Variants in FRAS1 observed in about 807,000 individuals in gnomAD.
FRAS1 encodes Fraser extracellular matrix complex subunit 1, also known as extracellular matrix organizing protein FRAS1.
A neutral mutation model predicts 435.2 loss-of-function variants in FRAS1; 290 were observed. The observed-to-expected ratio is 0.67, with a 90% CI of 0.61 to 0.73. The LOEUF (loss-of-function observed/expected upper bound fraction) is 0.73, where lower values mean the gene tolerates loss of function less well. FRAS1 is among the 30% of genes least tolerant of loss of function. The pLI, the probability that FRAS1 is intolerant of heterozygous loss-of-function variation, is 0.00. For synonymous variants in FRAS1, 1,800 were observed against 1,851.0 expected, an observed-to-expected ratio of 0.97 and a Z score of 0.71; for missense variants, 4,860 against 5,001.5, an observed-to-expected ratio of 0.97 and a Z score of 0.85.
intron 13 of FRAS1, among the ~76,000 whole-genome samples, chr4:78,285,200 A>T (rs1273285718): frequency 6.6e-6 from 1 of 151,836 alleles, no homozygotes; most frequent in South Asian, 2.1e-4. Context: ...TATCCATTTT[A>T]AAGTGTGTAA....
At chr4:78,533,303 C>T (rs933594210) in intron 70 of FRAS1, among the ~76,000 whole-genome samples, 2 of 152,164 alleles carry the variant, frequency 1.3e-5, no homozygotes, top group Non-Finnish European at 2.9e-5. Flanking sequence ...ATGATGTCTA[C>T]TGTATAATAT....
At chr4:78,387,152 G>A (rs984344645) in intron 28 of FRAS1, among the ~76,000 whole-genome samples, 1 of 152,156 alleles carries the variant, frequency 6.6e-6, no homozygotes, top group African/African-American at 2.4e-5. Context: ...TCTTGAAGTA[G>A]CTTGATAAAC....
chr4:78,255,353 G>A lies in FRAS1; in HGVS notation c.581G>A (p.Cys194Tyr), dbSNP rs919618765. 1 of 1,592,552 alleles carries A rather than the reference G, an allele frequency of 6.3e-7. No homozygotes were observed. Among genetic ancestry groups the A allele is most frequent in the Admixed American group, 1.8e-5 (1 of 56,958 alleles). ...GTTGCCCAGTGCTTCACAGCTCAGT[G>A]TCAGCCTCTATTTTGTAACCAGGTA... ...NGVAQCFTAQ[C>Y]QPLFCNQDET... Residue 194 changes from cysteine (C) to tyrosine (Y), a missense_variant, in exon 6 of 74, where the codon TGT becomes TAT. Transcript: ENST00000512123.
At chr4:78,123,490 G>A (rs1473615828) in intron 2 of FRAS1, among the ~76,000 whole-genome samples, 1 of 152,122 alleles carries the variant, frequency 6.6e-6, no homozygotes, top group Non-Finnish European at 1.5e-5. Flanking sequence ...GAAGTTTTAA[G>A]TAGTTTTTTC....
chr4:78,486,678 TC>T (rs1720178509), intron 58 of FRAS1, among the ~76,000 whole-genome samples: 1 of 152,048 alleles, frequency 6.6e-6, no homozygotes, highest in Non-Finnish European at 1.5e-5. Context: ...ACAACATAAA[TC>T]CCCTGTGCTA....
At chr4:78,129,037 T>A (rs998823962) in intron 2 of FRAS1, among the ~76,000 whole-genome samples, 79 of 152,354 alleles carry the variant, frequency 5.2e-4, no homozygotes, top group Non-Finnish European at 1.0e-3. Context: ...CTTGTTTTTC[T>A]CAGGTTTGTC....
At chr4:78,251,312 G>A (rs539276646) in intron 4 of FRAS1, among the ~76,000 whole-genome samples, 24 of 152,294 alleles carry the variant, frequency 1.6e-4, no homozygotes, top group African/African-American at 5.5e-4. Flanking sequence ...AAAACAAGGT[G>A]TGGAAGAAGG....
intron 2 of FRAS1, among the ~76,000 whole-genome samples, chr4:78,099,878 C>T (rs956079825): frequency 6.6e-6 from 1 of 152,274 alleles, no homozygotes; most frequent in Admixed American, 6.5e-5. Context: ...TGTAGTGTAG[C>T]ATTGTAGTCA....
intron 2 of FRAS1, among the ~76,000 whole-genome samples, chr4:78,082,260 C>G (rs1243418237): frequency 6.6e-6 from 1 of 152,084 alleles, no homozygotes; most frequent in Non-Finnish European, 1.5e-5. Context: ...CTCACACTTT[C>G]ACTTTTGAGG....
At chr4:78,432,665 G>T (rs1734263270) in intron 38 of FRAS1, 61 bp downstream of exon 38, 2 of 1,491,208 alleles carry the variant, frequency 1.3e-6, no homozygotes, top group Non-Finnish European at 1.8e-6. Context: ...GGGGCAGACT[G>T]GGCAGCAATG....
At chr4:78,118,676 T>C (rs1467783872) in intron 2 of FRAS1, among the ~76,000 whole-genome samples, 3 of 151,188 alleles carry the variant, frequency 2.0e-5, no homozygotes, top group Non-Finnish European at 4.4e-5. Context: ...AAAAGCACAG[T>C]ATCAGGGTGG....
chr4:78,432,567 G>A lies in FRAS1; in HGVS notation c.5180G>A (p.Ser1727Asn). The change falls in exon 38 of 74, where the codon AGC (serine) becomes AAC (asparagine). Residue 1727 changes from serine (S) to asparagine (N), a missense_variant. Physicochemically the swap from Ser to Asn is conservative, Grantham distance 46. Coordinates refer to ENST00000512123, the MANE Select transcript of FRAS1 (RefSeq NM_025074.7). ...SSLSITVASK[S>N]TAIITRSHLA... ...CTGAGCATTACTGTTGCCAGTAAAA[G>A]CACAGCCATAATCACTAGGTCACAC... The A allele has an allele frequency of 6.2e-7, 1 of 1,609,718 alleles. No homozygotes were observed. Among genetic ancestry groups the A allele is most frequent in the South Asian group, 1.1e-5 (1 of 90,270 alleles).
chr4:78,335,209 C>T (rs1018780562), intron 19 of FRAS1, among the ~76,000 whole-genome samples: 1 of 152,154 alleles, frequency 6.6e-6, no homozygotes, highest in Non-Finnish European at 1.5e-5. Flanking sequence ...CTTAAGACAA[C>T]AATTGTTATA....
intron 58 of FRAS1, among the ~76,000 whole-genome samples, chr4:78,484,936 A>G (rs1720122812): frequency 1.3e-5 from 2 of 152,240 alleles, no homozygotes; most frequent in East Asian, 3.8e-4. Flanking sequence ...TTTCTTAGTA[A>G]AGAGGAAGAT....
At chr4:78,482,252 G>C (rs1156928958) in intron 57 of FRAS1, 136 bp from the exon 58 acceptor site, 1 of 981,268 alleles carries the variant, frequency 1.0e-6, no homozygotes, top group Non-Finnish European at 1.6e-6. Context: ...GTAATAAAGA[G>C]ATCATCATGT....
intron 2 of FRAS1, among the ~76,000 whole-genome samples, chr4:78,080,499 A>C (rs1182896779): frequency 6.6e-6 from 1 of 152,146 alleles, no homozygotes; most frequent in Non-Finnish European, 1.5e-5. Flanking sequence ...AATCTTTTGT[A>C]AGTGGAATAG....
intron 70 of FRAS1, among the ~76,000 whole-genome samples, chr4:78,529,259 T>G (rs1270519996): frequency 6.6e-6 from 1 of 152,160 alleles, no homozygotes; most frequent in African/African-American, 2.4e-5. Flanking sequence ...GGTAGTTGGC[T>G]GCAGTAAGGA....
At chr4:78,280,580 CTTTTTT>C (rs34405763) in intron 10 of FRAS1, among the ~76,000 whole-genome samples, 1 of 141,886 alleles carries the variant, frequency 7.0e-6, no homozygotes, top group Admixed American at 7.0e-5. Flanking sequence ...TTCCTCCATA[CTTTTTT>C]TTTTTTTTTT....
At chr4:78,380,980 A>G (rs79608182) in intron 27 of FRAS1, among the ~76,000 whole-genome samples, 3 of 152,230 alleles carry the variant, frequency 2.0e-5, no homozygotes, top group African/African-American at 4.8e-5. Flanking sequence ...GGCACTTTAC[A>G]TGAACTATGT....
Sources: allele counts gnomAD v4.1 joint callset (sites outside exome capture counted in the v4.1 genomes callset), GRCh38; gene constraint gnomAD v4.1.1; transcripts MANE v1.5; gene names NCBI Gene and HGNC (gene_info 2026-07-23, HGNC 2026-07-21).